Variants in FOXP1 observed in about 807,000 individuals in gnomAD.
FOXP1 encodes the protein forkhead box protein P1.
In FOXP1, 15 loss-of-function variants were observed where a neutral mutation model predicts 98.2. The observed-to-expected ratio is 0.15, with a 90% CI of 0.10 to 0.24. FOXP1 has a LOEUF of 0.24. Among genes scored for constraint, FOXP1 ranks in the 10% least tolerant of loss-of-function variants. The pLI is 1.00. For missense variants in FOXP1, 633 were observed against 848.5 expected (o/e 0.75, Z 3.15); for synonymous variants, 371 against 314.5 (o/e 1.18, Z -1.90).
chr3:71,476,167 G>A (rs1183094682), intron 3 of FOXP1, among the ~76,000 whole-genome samples: 1 of 152,194 alleles, frequency 6.6e-6, no homozygotes, highest in Non-Finnish European at 1.5e-5. Context: ...ACTGAAAGTG[G>A]TTTTCTCCCA....
At chr3:71,190,468 C>A (rs1447484975) in intron 6 of FOXP1, among the ~76,000 whole-genome samples, 1 of 124,856 alleles carries the variant, frequency 8.0e-6, no homozygotes, top group Non-Finnish European at 1.6e-5. Flanking sequence ...AAAAGAAAAA[C>A]AACAACAAAA....
At chr3:71,266,007 G>C (rs2069614100) in intron 5 of FOXP1, among the ~76,000 whole-genome samples, 1 of 152,142 alleles carries the variant, frequency 6.6e-6, no homozygotes, top group Non-Finnish European at 1.5e-5. Flanking sequence ...CACAGTGCGG[G>C]AATGGTGCCT....
At chr3:71,289,530 T>G (rs2072530356) in intron 5 of FOXP1, 1 of 152,244 alleles carries the variant, frequency 6.6e-6, no homozygotes, top group South Asian at 2.1e-4. Flanking sequence ...TGTTTCCTAC[T>G]TTAAACACTT....
At chr3:71,411,278 CGT>C (rs58267668) in intron 3 of FOXP1, among the ~76,000 whole-genome samples, 12,330 of 141,642 alleles carry the variant, frequency 0.087, 527 homozygotes, top group Non-Finnish European at 0.1. Context: ...GCTGAATGGG[CGT>C]GTGTGTGTGT....
chr3:71,130,958 T>C, intron 6 of FOXP1: 3 of 1,209,390 alleles, frequency 2.5e-6, no homozygotes, highest in Non-Finnish European at 3.1e-6. Flanking sequence ...ACACAGCTCA[T>C]TCACGCAGAC....
chr3:71,478,231 C>T (rs1198618604), intron 3 of FOXP1, among the ~76,000 whole-genome samples: 1 of 152,150 alleles, frequency 6.6e-6, no homozygotes, highest in African/African-American at 2.4e-5. Flanking sequence ...TGATAGAATA[C>T]AACCTTCAGC....
chr3:71,063,883 T>G (rs2107307594), intron 7 of FOXP1, among the ~76,000 whole-genome samples: 1 of 152,346 alleles, frequency 6.6e-6, no homozygotes, highest in South Asian at 2.1e-4. Context: ...TACTTTGCTC[T>G]AAAACTTTAC....
At chr3:71,198,432 G>GGGGCGGC in intron 5 of FOXP1, 40 bp from the exon 6 acceptor site, 1 of 491,034 alleles carries the variant, frequency 2.0e-6, no homozygotes, top group Non-Finnish European at 4.0e-6. Context: ...GGGAGGGGGG[G>GGGGCGGC]AGAAAAAAAA....
intron 7 of FOXP1, among the ~76,000 whole-genome samples, chr3:71,064,004 G>A (rs1008773239): frequency 1.3e-5 from 2 of 152,168 alleles, no homozygotes; most frequent in Non-Finnish European, 2.9e-5. Flanking sequence ...AGTTGAGTTA[G>A]CTACATTCAG....
At chr3:71,095,598 C>T (rs1559918697) in intron 7 of FOXP1, among the ~76,000 whole-genome samples, 1 of 151,974 alleles carries the variant, frequency 6.6e-6, no homozygotes, top group Non-Finnish European at 1.5e-5. Context: ...AAGAAAGCTC[C>T]TAGATCAACA....
chr3:71,280,487 A>AT (rs1211526335), intron 5 of FOXP1, among the ~76,000 whole-genome samples: 2 of 151,228 alleles, frequency 1.3e-5, no homozygotes, highest in Non-Finnish European at 2.9e-5. Flanking sequence ...TGCTCGGCTA[A>AT]TTTTTTTTCT....
rs367609175 is a variant in FOXP1 at position 70,959,225 on chromosome 3, C to T, written c.*22G>A. ...TTTTCCTTTTTCCAATCTTCATTCT[C>T]GGGGTTGGCCCGCCCCGATAGTCAC... is the stretch of plus-strand genomic sequence containing the variant. On this transcript the variant is annotated 3_prime_UTR_variant, in exon 21 of 21. Coordinates refer to ENST00000649528, the MANE Select transcript of FOXP1 (RefSeq NM_001349338.3). 5.2e-5 allele frequency: 83 copies of T among 1,604,672 alleles called. No homozygotes were observed. The highest frequency in any genetic ancestry group is 2.0e-4 in the South Asian group (18 of 89,986).
intron 5 of FOXP1, among the ~76,000 whole-genome samples, chr3:71,242,012 C>T (rs1200290133): frequency 6.6e-6 from 1 of 152,100 alleles, no homozygotes; most frequent in African/African-American, 2.4e-5. Context: ...TTAATATATG[C>T]TGATCATTTT....
chr3:71,470,646 C>T (rs1025298055), intron 3 of FOXP1, among the ~76,000 whole-genome samples: 6 of 151,914 alleles, frequency 3.9e-5, no homozygotes, highest in South Asian at 2.1e-4. Context: ...GGCTGAGGCA[C>T]GAGAATTGCT....
At chr3:71,503,176 G>C (rs768686882) in intron 2 of FOXP1, among the ~76,000 whole-genome samples, 1 of 152,158 alleles carries the variant, frequency 6.6e-6, no homozygotes, top group Non-Finnish European at 1.5e-5. Context: ...CCTCTGTGGA[G>C]GTAAGTGTGA....
chr3:71,464,943 A>T lies in FOXP1; in HGVS notation c.-168+28483T>A, dbSNP rs373861983. On this transcript the variant is annotated intron_variant, in intron 3 of 20. Transcript: ENST00000649528. ...TAGTTTCCTCATCTGTAAAATGGAGACTGTAGCACCTGCCTCATAGGGTTT... is the reference window on the plus strand; with the variant it reads ...TAGTTTCCTCATCTGTAAAATGGAGTCTGTAGCACCTGCCTCATAGGGTTT... Among the ~76,000 whole-genome samples the T allele has an allele frequency of 4.6e-5, 7 of 152,260 alleles. No individual in the cohort carries two copies. In the East Asian group the frequency reaches 1.2e-3, roughly 25 times the overall value.
intron 5 of FOXP1, among the ~76,000 whole-genome samples, chr3:71,207,564 G>A (rs1281193646): frequency 6.6e-6 from 1 of 152,148 alleles, no homozygotes; most frequent in Non-Finnish European, 1.5e-5. Flanking sequence ...ACAGACAGAT[G>A]AGCAAGGCTT....
At chr3:71,315,150 A>T (rs1187728601) in intron 4 of FOXP1, among the ~76,000 whole-genome samples, 2 of 151,672 alleles carry the variant, frequency 1.3e-5, no homozygotes, top group Non-Finnish European at 2.9e-5. Flanking sequence ...TTTTCCATAT[A>T]GAAACAAGCC....
rs9881215 is a variant in FOXP1 at position 71,345,397 on chromosome 3, T to C, written c.-73+13753A>G. Among the ~76,000 whole-genome samples, 496 of 141,828 alleles carry C rather than the reference T, an allele frequency of 3.5e-3. 2 individuals are homozygous for C. Among genetic ancestry groups the C allele is most frequent in the African/African-American group, 0.011 (392 of 35,956 alleles). 93.0% of individuals were successfully genotyped at this position (141,828 alleles called of 152,430 possible). On this transcript the variant is annotated intron_variant, in intron 4 of 20. Coordinates refer to ENST00000649528, the MANE Select transcript of FOXP1 (RefSeq NM_001349338.3). ...AGAGAGAATCTGTCTCAAATATATA[T>C]ACACACACACACACACACACACACA... is the stretch of plus-strand genomic sequence containing the variant.
Sources: allele counts gnomAD v4.1 joint callset (sites outside exome capture counted in the v4.1 genomes callset), GRCh38; gene constraint gnomAD v4.1.1; transcripts MANE v1.5; gene names NCBI Gene and HGNC (gene_info 2026-07-23, HGNC 2026-07-21).